ZNF623: variants seen among roughly 807,000 people sequenced by gnomAD.
ZNF623 encodes zinc finger protein 623.
ZNF623 carries 16 observed loss-of-function variants against 24.0 expected under a neutral mutation model. That is an observed-to-expected ratio of 0.67 (90% CI 0.45 to 1.01). The LOEUF is 1.01. ZNF623 is among the 50% of genes least tolerant of loss of function. ZNF623 has a pLI of 0.00. For synonymous variants in ZNF623, 224 were observed against 219.8 expected (o/e 1.02, Z -0.17); for missense variants, 566 against 606.5 (o/e 0.93, Z 0.70).
At chr8:143,643,376 G>A (rs1162911430) in intron 1 of ZNF623, among the ~76,000 whole-genome samples, 7 of 152,236 alleles carry the variant, frequency 4.6e-5, no homozygotes, top group Non-Finnish European at 8.8e-5. Context: ...GGTAACAAAT[G>A]CATGCTGCTT....
chr8:143,645,578 C>G (rs1815159860), intron 1 of ZNF623, among the ~76,000 whole-genome samples: 1 of 152,202 alleles, frequency 6.6e-6, no homozygotes, highest in Admixed American at 6.5e-5. Flanking sequence ...ATGGCAGAGC[C>G]TCAGATATCA....
intron 1 of ZNF623, among the ~76,000 whole-genome samples, chr8:143,644,381 TC>T (rs1302594863): frequency 1.3e-5 from 2 of 151,952 alleles, no homozygotes; most frequent in Non-Finnish European, 2.9e-5. Context: ...GCTGGGCTGA[TC>T]CCCCCTCCCT....
At chr8:143,641,498 C>T (rs1445300190) in intron 1 of ZNF623, among the ~76,000 whole-genome samples, 1 of 13,074 alleles carries the variant, frequency 7.6e-5, no homozygotes, top group African/African-American at 8.3e-5. Flanking sequence ...CGGAGTCTTG[C>T]TCTGTCGCCC....
chr8:143,643,353 TG>T (rs1245210293), intron 1 of ZNF623, among the ~76,000 whole-genome samples: 1 of 152,240 alleles, frequency 6.6e-6, no homozygotes, highest in Non-Finnish European at 1.5e-5. Context: ...ATGTGTGACC[TG>T]CAGAACTGTA....
Position 143,641,455 on chromosome 8 carries a change from T to G in ZNF623, c.-96+5310T>G, listed in dbSNP as rs1356434980. Among the ~76,000 whole-genome samples, 4 of 131,452 alleles carry G rather than the reference T, an allele frequency of 3.0e-5. 2 individuals carry two copies. Among genetic ancestry groups the G allele is most frequent in the African/African-American group, 1.2e-4 (4 of 32,596 alleles). 86.2% of individuals were successfully genotyped at this position (131,452 alleles called of 152,430 possible). On this transcript the variant is annotated intron_variant, in intron 1 of 1. Coordinates refer to ENST00000526926, the MANE Select transcript of ZNF623 (RefSeq NM_001261843.2). ...TCAGTGAGTAGTGTTTTTTTTTTTT[T>G]TTTTTTTTTTTTCTTTTTTTTTTTT...
rs118046855 is a variant in ZNF623, at chr8:143,648,393, G to A, written c.-95-1505G>A. On this transcript the variant is annotated intron_variant, in intron 1 of 1. Coordinates refer to ENST00000526926, the MANE Select transcript of ZNF623 (RefSeq NM_001261843.2). ...CATAGCTGACCCCTGATATGGTGAC[G>A]TGGATGTTTGGGGTGAGAGCCCTAC... Among the ~76,000 whole-genome samples the A allele has an allele frequency of 5.6e-3, 852 of 152,214 alleles. 6 individuals are homozygous for A. Among genetic ancestry groups the A allele is most frequent in the Non-Finnish European group, 9.3e-3 (633 of 67,998 alleles).
chr8:143,636,801 C>T (rs1814935107), intron 1 of ZNF623, among the ~76,000 whole-genome samples: 1 of 152,224 alleles, frequency 6.6e-6, no homozygotes, highest in South Asian at 2.1e-4. Context: ...GTACCCTTTT[C>T]CCTTCGCGTC....
Position 143,650,441 on chromosome 8 carries a change from A to T in ZNF623, c.449A>T (p.His150Leu). ...AATGTGTGTGGGAAAGACTTCATTCACTATTCAGGTCTCATTGAGCATCAG... is the reference window on the plus strand; with the variant it reads ...AATGTGTGTGGGAAAGACTTCATTCTCTATTCAGGTCTCATTGAGCATCAG... ...VCNVCGKDFIHYSGLIEHQRV... is the reference protein window; with the variant it reads ...VCNVCGKDFILYSGLIEHQRV... Residue 150 changes from histidine (H) to leucine (L), a missense_variant, in exon 2 of 2, where the codon CAC becomes CTC. This residue lies in a region of ZNF623 where 313 missense variants were observed against 300.4 expected (regional missense o/e 1.04). Transcript: ENST00000526926. This position sits in a 1 kb window ranked among gnomAD's most constrained non-coding sequence, Gnocchi z 5.2. The T allele has an allele frequency of 6.2e-7, 1 of 1,613,934 alleles. No homozygotes were observed. Among genetic ancestry groups the T allele is most frequent in the Non-Finnish European group, 8.5e-7 (1 of 1,179,978 alleles).
In ZNF623 at chr8:143,653,130, GA is replaced by G. The variant is rs1815377214; in HGVS notation, c.*1648del. 3 of 167,292 alleles carry G rather than the reference GA, an allele frequency of 1.8e-5. No homozygotes were observed. Among genetic ancestry groups the G allele is most frequent in the African/African-American group, 7.2e-5 (3 of 41,592 alleles). The allele number at this position is 167,292 out of a possible 1,614,324, so 10.4% of individuals were successfully genotyped here. The stretch of plus-strand genomic sequence containing the variant: ...TCTGCAGAAACATGGAGCCATGACA[GA>G]TGGCTTTTTGGCTAGGACTGTTCGA... On this transcript the variant is annotated 3_prime_UTR_variant, in exon 2 of 2. Transcript: ENST00000526926.
intron 1 of ZNF623, among the ~76,000 whole-genome samples, chr8:143,649,276 TAA>T (rs538948599): frequency 6.1e-5 from 8 of 130,874 alleles, no homozygotes; most frequent in Non-Finnish European, 6.5e-5. Flanking sequence ...AGACTCCATC[TAA>T]AAAAAAAAAA....
intron 1 of ZNF623, among the ~76,000 whole-genome samples, chr8:143,643,132 T>C (rs1390752363): frequency 6.6e-6 from 1 of 152,156 alleles, no homozygotes; most frequent in African/African-American, 2.4e-5. Flanking sequence ...GCCTTGAGAT[T>C]CAGGTGGCCC....
Position 143,650,860 on chromosome 8 carries a change from C to T in ZNF623, c.868C>T (p.Arg290Trp), listed in dbSNP as rs781308297. The T allele has an allele frequency of 7.4e-6, 12 of 1,614,158 alleles. No homozygotes were observed. The highest frequency in any genetic ancestry group is 2.2e-5 in the South Asian group (2 of 91,078). The change falls in exon 2 of 2, where the codon CGG becomes TGG. Residue 290 changes from arginine to tryptophan, a missense_variant. Transcript: ENST00000526926. This position sits in a 1 kb window ranked among gnomAD's most constrained non-coding sequence, Gnocchi z 5.2. ...CAATGAGTGTGGGAAAGCCTTTATT[C>T]GGAGTTCAAAGCTCATTCAGCATCA... ...ECNECGKAFI[R>W]SSKLIQHQRI... is the part of the protein sequence containing the mutation.
chr8:143,638,547 G>A (rs1814976060), intron 1 of ZNF623, among the ~76,000 whole-genome samples: 1 of 150,860 alleles, frequency 6.6e-6, no homozygotes, highest in Non-Finnish European at 1.5e-5. Context: ...ACCAGCCTGG[G>A]TAACAAAGTG....
At chr8:143,647,269 T>C (rs6558381) in intron 1 of ZNF623, among the ~76,000 whole-genome samples, 37,897 of 152,122 alleles carry the variant, frequency 0.25, 6,978 homozygotes, top group African/African-American at 0.5. Flanking sequence ...CAGGCCATTC[T>C]CCTGCTTCAG....
intron 1 of ZNF623, among the ~76,000 whole-genome samples, chr8:143,638,995 A>G (rs989223131): frequency 1.4e-5 from 2 of 147,772 alleles, no homozygotes; most frequent in African/African-American, 5.0e-5. Context: ...CAGGTTCAAG[A>G]GATTCTCCTG....
chr8:143,642,371 AGTT>A (rs1432019381), intron 1 of ZNF623, among the ~76,000 whole-genome samples: 5 of 152,122 alleles, frequency 3.3e-5, no homozygotes, highest in Admixed American at 3.3e-4. Flanking sequence ...TGTCGGGCAA[AGTT>A]GTTGTTTTAA....
At chr8:143,643,899 T>C (rs554077041) in intron 1 of ZNF623, among the ~76,000 whole-genome samples, 240 of 152,354 alleles carry the variant, frequency 1.6e-3, no homozygotes, top group African/African-American at 5.5e-3. Context: ...AAGAACACTC[T>C]AGCTACAGAC....
intron 1 of ZNF623, among the ~76,000 whole-genome samples, chr8:143,638,744 G>C (rs1425544991): frequency 6.6e-6 from 1 of 151,686 alleles, no homozygotes. Context: ...GACAGAGTGA[G>C]ACTCTGTCTC....
intron 1 of ZNF623, among the ~76,000 whole-genome samples, chr8:143,649,264 C>T (rs543105011): frequency 6.8e-6 from 1 of 146,776 alleles, no homozygotes; most frequent in South Asian, 2.2e-4. Context: ...GGTGACAGAG[C>T]GAGACTCCAT....
Sources: gnomAD v4.1 joint callset for allele counts (sites outside exome capture counted in the v4.1 genomes callset) on GRCh38, gnomAD v4.1.1 for gene constraint, gnomAD v4.1.1 regional missense constraint, Gnocchi (gnomAD v3.1) non-coding constraint, MANE v1.5 for transcripts, NCBI Gene and HGNC (gene_info 2026-07-23, HGNC 2026-07-21) for gene names.